NUMB: variants seen among roughly 807,000 people sequenced by gnomAD.
NUMB encodes NUMB endocytic adaptor protein.
In NUMB, 29 loss-of-function variants were observed where a neutral mutation model predicts 59.7. The observed-to-expected ratio is 0.49, with a 90% CI of 0.36 to 0.66. The LOEUF (loss-of-function observed/expected upper bound fraction) is 0.66. NUMB is among the 30% of genes least tolerant of loss of function. NUMB has a pLI of 0.00. For missense variants in NUMB, 723 were observed against 822.0 expected (o/e 0.88, Z 1.47); for synonymous variants, 288 against 288.2 (o/e 1.00, Z 0.01).
chr14:73,317,365 G>A (rs1230344916), intron 5 of NUMB, among the ~76,000 whole-genome samples: 2 of 152,130 alleles, frequency 1.3e-5, no homozygotes, highest in Non-Finnish European at 2.9e-5. Context: ...GCAGTGGCAC[G>A]ATCTCAGGTC....
chr14:73,446,892 T>A (rs527924523), intron 1 of NUMB, among the ~76,000 whole-genome samples: 2 of 151,940 alleles, frequency 1.3e-5, no homozygotes, highest in African/African-American at 4.8e-5. Flanking sequence ...ATAACTTTTT[T>A]AAAAATAAAA....
At chr14:73,427,380 G>A (rs1286293505) in intron 1 of NUMB, among the ~76,000 whole-genome samples, 2 of 151,906 alleles carry the variant, frequency 1.3e-5, no homozygotes, top group Non-Finnish European at 2.9e-5. Flanking sequence ...CAGAAGAATC[G>A]CTTGAACCTC....
intron 4 of NUMB, among the ~76,000 whole-genome samples, chr14:73,350,033 G>A (rs1893136708): frequency 1.4e-5 from 2 of 146,122 alleles, no homozygotes; most frequent in South Asian, 2.4e-4. Flanking sequence ...CGAGAGTGAG[G>A]CTCTGTCTCA....
intron 2 of NUMB, among the ~76,000 whole-genome samples, chr14:73,388,408 A>T (rs188832280): frequency 6.6e-6 from 1 of 152,388 alleles, no homozygotes; most frequent in Admixed American, 6.5e-5. Context: ...TTTTTAATTT[A>T]AAAAAGTCAA....
intron 8 of NUMB, among the ~76,000 whole-genome samples, chr14:73,291,682 TTTC>T (rs1165725470): frequency 6.6e-6 from 1 of 151,086 alleles, no homozygotes; most frequent in African/African-American, 2.4e-5. Context: ...CCGGCCAGTA[TTTC>T]TTTTTTCTTT....
At chr14:73,342,894 G>A (rs1418487429) in intron 4 of NUMB, among the ~76,000 whole-genome samples, 1 of 152,142 alleles carries the variant, frequency 6.6e-6, no homozygotes, top group Non-Finnish European at 1.5e-5. Context: ...ACCCAGTCAG[G>A]AGTGCAGTGA....
chr14:73,400,293 G>C (rs569987234), intron 2 of NUMB, among the ~76,000 whole-genome samples: 1 of 152,278 alleles, frequency 6.6e-6, no homozygotes, highest in South Asian at 2.1e-4. Flanking sequence ...TGGACAGCCA[G>C]AGCACAGAGA....
chr14:73,398,415 A>AGAGAGAGTGTGTGTGT (rs1438462148), intron 2 of NUMB, among the ~76,000 whole-genome samples: 2 of 118,878 alleles, frequency 1.7e-5, no homozygotes, highest in African/African-American at 6.6e-5. Context: ...AGAGAGAGAG[A>AGAGAGAGTGTGTGTGT]GTGTGTGTGT....
intron 2 of NUMB, among the ~76,000 whole-genome samples, chr14:73,391,971 T>C (rs1160261362): frequency 6.6e-6 from 1 of 152,208 alleles, no homozygotes; most frequent in South Asian, 2.1e-4. Flanking sequence ...GAGGAGTAAG[T>C]GCAGGGAACA....
intron 2 of NUMB, among the ~76,000 whole-genome samples, chr14:73,397,675 T>G (rs1896202122): frequency 6.6e-6 from 1 of 152,240 alleles, no homozygotes; most frequent in Non-Finnish European, 1.5e-5. Flanking sequence ...TTTATGAGCA[T>G]TCTCACTTTT....
At chr14:73,304,836 T>G (rs994500256) in intron 6 of NUMB, among the ~76,000 whole-genome samples, 1 of 151,972 alleles carries the variant, frequency 6.6e-6, no homozygotes, top group African/African-American at 2.4e-5. Flanking sequence ...TCTCGGCTCA[T>G]TGCAACCTCC....
chr14:73,385,085 A>C (rs1289631864), intron 2 of NUMB, among the ~76,000 whole-genome samples: 1 of 151,856 alleles, frequency 6.6e-6, no homozygotes, highest in Non-Finnish European at 1.5e-5. Context: ...GAAAATGTTC[A>C]ATATTTATGC....
chr14:73,317,336 CTG>C (rs1294962829), intron 5 of NUMB, among the ~76,000 whole-genome samples: 1 of 152,212 alleles, frequency 6.6e-6, no homozygotes, highest in African/African-American at 2.4e-5. Context: ...GAGTCTCACT[CTG>C]TCACTCAGGA....
At chr14:73,388,563 C>G (rs994167269) in intron 2 of NUMB, among the ~76,000 whole-genome samples, 7 of 151,646 alleles carry the variant, frequency 4.6e-5, no homozygotes, top group African/African-American at 1.2e-4. Context: ...AACGTTGTTT[C>G]TTTATTGTGG....
intron 5 of NUMB, among the ~76,000 whole-genome samples, chr14:73,318,773 C>A (rs1264906220): frequency 2.0e-5 from 3 of 151,942 alleles, no homozygotes; most frequent in African/African-American, 7.3e-5. Context: ...ACTTTATGCC[C>A]AGAAAGTTAA....
At chr14:73,391,331 A>C (rs1895843012) in intron 2 of NUMB, among the ~76,000 whole-genome samples, 1 of 150,930 alleles carries the variant, frequency 6.6e-6, no homozygotes, top group Non-Finnish European at 1.5e-5. Flanking sequence ...GAAATGACTG[A>C]AATTATACAG....
At chr14:73,306,210 T>C (rs1472978774) in intron 6 of NUMB, among the ~76,000 whole-genome samples, 1 of 152,146 alleles carries the variant, frequency 6.6e-6, no homozygotes, top group Non-Finnish European at 1.5e-5. Flanking sequence ...ACTTAAAGGC[T>C]TTTAGGAAAA....
intron 8 of NUMB, among the ~76,000 whole-genome samples, 179 bp downstream of exon 8, chr14:73,292,555 A>C (rs1264549567): frequency 6.6e-6 from 1 of 152,094 alleles, no homozygotes; most frequent in African/African-American, 2.4e-5. Context: ...GTGAGTTGCA[A>C]CTCCTGGGGT....
intron 3 of NUMB, among the ~76,000 whole-genome samples, chr14:73,358,949 C>G (rs1296740341): frequency 6.6e-6 from 1 of 152,134 alleles, no homozygotes; most frequent in Admixed American, 6.6e-5. Flanking sequence ...ATAGTCCAAC[C>G]TCCCACTGAC....
Sources: allele counts gnomAD v4.1 joint callset (sites outside exome capture counted in the v4.1 genomes callset), GRCh38; gene constraint gnomAD v4.1.1; transcripts MANE v1.5; gene names NCBI Gene and HGNC (gene_info 2026-07-23, HGNC 2026-07-21).